STK24: variants seen among roughly 807,000 people sequenced by gnomAD.
STK24 encodes serine/threonine-protein kinase 24.
In STK24, 21 loss-of-function variants were observed where a neutral mutation model predicts 55.6. That is an observed-to-expected ratio of 0.38 (90% CI 0.27 to 0.54). The LOEUF (loss-of-function observed/expected upper bound fraction) is 0.54. Ranked by LOEUF, STK24 falls within the 20% of genes least tolerant of loss-of-function variation. The pLI, the probability that STK24 is intolerant of heterozygous loss-of-function variation, is 0.79. For missense variants in STK24, 383 were observed against 538.4 expected (o/e 0.71, Z 2.86); for synonymous variants, 200 against 215.2 (o/e 0.93, Z 0.62).
intron 1 of STK24, among the ~76,000 whole-genome samples, chr13:98,575,379 T>C (rs1205396693): frequency 2.0e-5 from 3 of 149,994 alleles, no homozygotes; most frequent in East Asian, 2.0e-4. Context: ...TAAACATATA[T>C]ACACACATAT....
intron 1 of STK24, among the ~76,000 whole-genome samples, chr13:98,538,390 A>G (rs1338942102): frequency 6.6e-6 from 1 of 151,726 alleles, no homozygotes; most frequent in Non-Finnish European, 1.5e-5. Context: ...ACACACAGCT[A>G]ATTTCTGTAT....
chr13:98,517,856 T>C (rs1236741975), intron 2 of STK24, among the ~76,000 whole-genome samples: 1 of 152,186 alleles, frequency 6.6e-6, no homozygotes, highest in East Asian at 1.9e-4. Flanking sequence ...CATTGCAGGG[T>C]AATTTAAGAG....
chr13:98,521,241 A>T (rs1327848169), intron 1 of STK24, among the ~76,000 whole-genome samples: 1 of 152,136 alleles, frequency 6.6e-6, no homozygotes, highest in Non-Finnish European at 1.5e-5. Context: ...TGCACTAAAC[A>T]TATCAATTGG....
rs76432385 is a variant in STK24, at chr13:98,573,170, T to G, written c.42+3575A>C. Among the ~76,000 whole-genome samples, 559 of 152,382 alleles carry G rather than the reference T, an allele frequency of 3.7e-3. 2 individuals carry two copies. Among genetic ancestry groups the G allele is most frequent in the Non-Finnish European group, 4.6e-3 (313 of 68,040 alleles). On this transcript the variant is annotated intron_variant, in intron 1 of 10. Transcript: ENST00000539966. ...CGTAGTAAGGATTAGTACGGTCTCC[T>G]GAAACTTGTTTTTGATCCTGATGTA... is the stretch of plus-strand genomic sequence containing the variant.
intron 2 of STK24, among the ~76,000 whole-genome samples, chr13:98,515,210 A>G (rs1896016121): frequency 6.6e-6 from 1 of 152,146 alleles, no homozygotes; most frequent in Non-Finnish European, 1.5e-5. Flanking sequence ...TGTTCTCGTT[A>G]CAATTATATG....
At chr13:98,479,138 A>G (rs1246290010) in intron 3 of STK24, among the ~76,000 whole-genome samples, 1 of 152,160 alleles carries the variant, frequency 6.6e-6, no homozygotes, top group Non-Finnish European at 1.5e-5. Context: ...GGACTGTGTG[A>G]TACTTCTTAT....
intron 10 of STK24, chr13:98,453,668 GAAC>G (rs1893312071): frequency 6.5e-6 from 1 of 153,978 alleles, no homozygotes; most frequent in South Asian, 2.0e-4. Context: ...TCCAAAGCAG[GAAC>G]AACGTGTCTG....
chr13:98,446,813 G>A lies in STK24; in HGVS notation c.*6360C>T, dbSNP rs369179780. 45 of 1,613,914 alleles carry A rather than the reference G, an allele frequency of 2.8e-5. No homozygotes were observed. The highest frequency in any genetic ancestry group is 2.3e-4 in the South Asian group (21 of 91,062). On this transcript the variant is annotated 3_prime_UTR_variant, in exon 11 of 11. Transcript: ENST00000539966. The stretch of plus-strand genomic sequence containing the variant: ...CAGGGCGGAAAGCGAGTACACGTTC[G>A]AAAGGTAGACACCCCCTTCCCACGC...
chr13:98,567,864 C>T (rs1316918444), intron 1 of STK24, among the ~76,000 whole-genome samples: 2 of 148,960 alleles, frequency 1.3e-5, no homozygotes, highest in African/African-American at 5.0e-5. Context: ...CTAAAAACCA[C>T]CACATACCTG....
chr13:98,491,714 G>C (rs1225285867), intron 2 of STK24, among the ~76,000 whole-genome samples: 1 of 146,672 alleles, frequency 6.8e-6, no homozygotes, highest in Non-Finnish European at 1.5e-5. Context: ...AAAATACTAA[G>C]TGTTCAATCC....
At chr13:98,540,963 A>T (rs1896872359) in intron 1 of STK24, among the ~76,000 whole-genome samples, 1 of 152,092 alleles carries the variant, frequency 6.6e-6, no homozygotes, top group African/African-American at 2.4e-5. Context: ...AGACAAGGTT[A>T]TTGGGCATCT....
chr13:98,482,413 G>A (rs569089783), intron 2 of STK24, 92 bp from the exon 3 acceptor site: 1 of 694,478 alleles, frequency 1.4e-6, no homozygotes, highest in South Asian at 1.9e-5. Flanking sequence ...CAATTATATT[G>A]GAACTAGAAA....
At chr13:98,455,630 G>GGT (rs1239746698) in intron 10 of STK24, 3 of 152,314 alleles carry the variant, frequency 2.0e-5, no homozygotes, top group African/African-American at 7.2e-5. Flanking sequence ...TAAAAGAAGA[G>GGT]GAACAGAGAG....
At chr13:98,522,082 G>C in intron 1 of STK24, 2 of 1,359,752 alleles carry the variant, frequency 1.5e-6, no homozygotes, top group Non-Finnish European at 1.9e-6. Context: ...ACTGCAGCCT[G>C]GCTCCGCTCT....
intron 1 of STK24, among the ~76,000 whole-genome samples, chr13:98,561,067 C>T (rs1897404401): frequency 1.3e-5 from 2 of 152,142 alleles, no homozygotes; most frequent in African/African-American, 4.8e-5. Flanking sequence ...TATGTGTGGA[C>T]CCCAGTCTGC....
intron 2 of STK24, among the ~76,000 whole-genome samples, chr13:98,484,366 C>T (rs1455107768): frequency 9.9e-5 from 15 of 152,196 alleles, no homozygotes; most frequent in Admixed American, 9.8e-4. Context: ...TGCTGTTTAA[C>T]TGGTTTCACT....
intron 1 of STK24, among the ~76,000 whole-genome samples, chr13:98,521,215 C>A (rs2139385218): frequency 6.6e-6 from 1 of 152,348 alleles, no homozygotes; most frequent in African/African-American, 2.4e-5. Context: ...ATCTATCCAA[C>A]TTCCACTTAA....
Position 98,516,445 on chromosome 13 carries a change from A to C in STK24, c.273+2798T>G, listed in dbSNP as rs570629327. 2.6e-5 allele frequency among the ~76,000 whole-genome samples: 4 copies of C among 152,356 alleles called. No individual in the cohort carries two copies. The South Asian group carries it at 8.3e-4, about 32-fold the overall frequency. Reference sequence around the variant, plus strand: ...AGCTATTCCACTTCCTACAGAGATGAAGTGACTTTGAAAAGGCCAGCCTAC... The same window carrying C: ...AGCTATTCCACTTCCTACAGAGATGCAGTGACTTTGAAAAGGCCAGCCTAC... On this transcript the variant is annotated intron_variant, in intron 2 of 10. Coordinates refer to ENST00000539966, the MANE Select transcript of STK24 (RefSeq NM_001032296.4).
chr13:98,505,512 C>T (rs1050927879), intron 2 of STK24, among the ~76,000 whole-genome samples: 2 of 152,250 alleles, frequency 1.3e-5, no homozygotes, highest in African/African-American at 4.8e-5. Context: ...ATTGACCTAT[C>T]TCCACTGATT....
Sources: allele counts gnomAD v4.1 joint callset (sites outside exome capture counted in the v4.1 genomes callset), GRCh38; gene constraint gnomAD v4.1.1; transcripts MANE v1.5; gene names NCBI Gene and HGNC (gene_info 2026-07-23, HGNC 2026-07-21).